The following TCF25 variants were observed in gnomAD, a reference collection of about 807,000 sequenced individuals.
The protein encoded by TCF25 is ribosome quality control complex subunit TCF25.
In TCF25, 41 loss-of-function variants were observed where a neutral mutation model predicts 83.1. The ratio of observed to expected loss-of-function variants is 0.49; its 90% CI spans 0.38 to 0.64. TCF25 has a LOEUF of 0.64. TCF25 is among the 30% of genes least tolerant of loss of function. TCF25 has a pLI of 0.00. For missense variants in TCF25, 979 were observed against 914.5 expected (o/e 1.07, Z -0.91); for synonymous variants, 458 against 365.0 (o/e 1.25, Z -2.90).
At chr16:89,897,213 C>T (rs1376071862) in intron 9 of TCF25, among the ~76,000 whole-genome samples, 2 of 152,220 alleles carry the variant, frequency 1.3e-5, no homozygotes, top group Admixed American at 6.5e-5. Context: ...GCCTGACCCT[C>T]GCTCCCCTGT....
chr16:89,886,136 T>C (rs896791218), intron 4 of TCF25, 170 bp downstream of exon 4: 1 of 650,676 alleles, frequency 1.5e-6, no homozygotes, highest in Non-Finnish European at 2.8e-6. Flanking sequence ...AAAAATCATA[T>C]GAGTTTATTG....
chr16:89,903,252 C>G (rs1279154931), intron 12 of TCF25, among the ~76,000 whole-genome samples: 1 of 152,290 alleles, frequency 6.6e-6, no homozygotes, highest in African/African-American at 2.4e-5. Flanking sequence ...ACTGCAGGCT[C>G]TGCCCTCGGG....
intron 11 of TCF25, 112 bp downstream of exon 11, chr16:89,898,984 C>T (rs915867588): frequency 2.9e-6 from 3 of 1,021,516 alleles, no homozygotes; most frequent in Non-Finnish European, 4.4e-6. Context: ...AAACGATAAT[C>T]GTCTGAGGGC....
chr16:89,873,618 T>A lies in TCF25; in HGVS notation c.-50T>A, dbSNP rs762512103. 7.4e-7 allele frequency: 1 copy of A among 1,348,004 alleles called. No individual in the cohort carries two copies. The highest frequency in any genetic ancestry group is 9.6e-7 in the Non-Finnish European group (1 of 1,038,474). 83.5% of individuals were successfully genotyped at this position (1,348,004 alleles called of 1,614,324 possible). The stretch of plus-strand genomic sequence containing the variant: ...TGCGCAGGCGCGCCGACAGCCGAGT[T>A]TTCTGCGCTTCCTTCTCCCTCTCTC... On this transcript the variant is annotated 5_prime_UTR_variant, in exon 1 of 18. Transcript: ENST00000263346.
chr16:89,894,613 C>T (rs903394418), intron 7 of TCF25, among the ~76,000 whole-genome samples: 1 of 152,182 alleles, frequency 6.6e-6, no homozygotes, highest in African/African-American at 2.4e-5. Flanking sequence ...TAATAACTAG[C>T]CTATTTTGAG....
intron 10 of TCF25, 23 bp downstream of exon 10, chr16:89,898,672 GCC>G (rs770918518): frequency 6.2e-7 from 1 of 1,612,310 alleles, no homozygotes; most frequent in African/African-American, 1.3e-5. Flanking sequence ...TCAGGGCCAA[GCC>G]CGTCCACGCT....
At chr16:89,877,696 G>C (rs368576017) in intron 1 of TCF25, among the ~76,000 whole-genome samples, 1 of 152,140 alleles carries the variant, frequency 6.6e-6, no homozygotes, top group Admixed American at 6.6e-5. Flanking sequence ...CGGTGAGACC[G>C]AAACTTGGTT....
intron 16 of TCF25, among the ~76,000 whole-genome samples, chr16:89,908,629 C>T (rs1415330572): frequency 1.7e-5 from 2 of 117,838 alleles, no homozygotes; most frequent in East Asian, 2.7e-4. Context: ...CCTCCCAGCT[C>T]CCACCTCCCA....
At chr16:89,906,048 C>T (rs1194405239) in intron 14 of TCF25, 146 bp from the exon 15 acceptor site, 16 of 718,302 alleles carry the variant, frequency 2.2e-5, no homozygotes, top group Non-Finnish European at 3.2e-5. Context: ...TGCCTCTGCT[C>T]GAGAGTAAAG....
intron 15 of TCF25, 154 bp downstream of exon 15, chr16:89,906,438 C>A: frequency 1.5e-6 from 1 of 659,582 alleles, no homozygotes; most frequent in Admixed American, 2.8e-5. Flanking sequence ...GCAGAGGGCT[C>A]CTCCTTTCCT....
chr16:89,902,879 C>T (rs1321300035), intron 12 of TCF25, among the ~76,000 whole-genome samples: 1 of 152,176 alleles, frequency 6.6e-6, no homozygotes, highest in Admixed American at 6.5e-5. Flanking sequence ...GCATCCCTTT[C>T]TCGGTTCTGT....
At chr16:89,880,607 A>G (rs2042537370) in intron 1 of TCF25, among the ~76,000 whole-genome samples, 1 of 151,958 alleles carries the variant, frequency 6.6e-6, no homozygotes, top group Non-Finnish European at 1.5e-5. Flanking sequence ...AAAAAAAGTA[A>G]ATTGGGTGTT....
At chr16:89,888,403 C>T (rs566679803) in intron 5 of TCF25, among the ~76,000 whole-genome samples, 1 of 151,980 alleles carries the variant, frequency 6.6e-6, no homozygotes, top group Non-Finnish European at 1.5e-5. Flanking sequence ...GCCTGACCAA[C>T]ATGGAGAAAC....
chr16:89,893,681 A>G (rs776076478), intron 6 of TCF25, 47 bp from the exon 7 acceptor site: 54 of 1,612,048 alleles, frequency 3.3e-5, no homozygotes, highest in Middle Eastern at 1.9e-4. Flanking sequence ...GGAGCTGCCC[A>G]CGTCCCTGCT....
intron 11 of TCF25, 75 bp downstream of exon 11, chr16:89,898,947 T>G (rs1412631456): frequency 7.0e-7 from 1 of 1,436,344 alleles, no homozygotes; most frequent in Middle Eastern, 1.8e-4. Context: ...GTTCAGTATC[T>G]GTGCGCTCAG....
chr16:89,885,731 C>T lies in TCF25; in HGVS notation c.430-117C>T, dbSNP rs985914775. On this transcript the variant is annotated intron_variant, in intron 3 of 17. Transcript: ENST00000263346. ...GTACATAGTGTTTGACTTATGCTGT[C>T]CTTTAGGAAGTAAATACAGTGTAAT... is the stretch of plus-strand genomic sequence containing the variant. 13 of 844,244 alleles carry T rather than the reference C, an allele frequency of 1.5e-5. No individual in the cohort carries two copies. The East Asian group carries it at 2.0e-4, about 13-fold the overall frequency. 52.3% of individuals were successfully genotyped at this position (844,244 alleles called of 1,614,324 possible). A position where few individuals can be genotyped will look rare whatever the true frequency, so the allele number is the denominator to read the frequency against.
intron 2 of TCF25, 85 bp from the exon 3 acceptor site, chr16:89,884,497 G>C (rs2042835707): frequency 2.8e-6 from 4 of 1,417,944 alleles, no homozygotes; most frequent in African/African-American, 1.4e-5. Flanking sequence ...GCTTAGGTGA[G>C]GGTGGAGTCA....
At chr16:89,904,340 CTG>C (rs1411628536) in intron 13 of TCF25, 135 bp downstream of exon 13, 1 of 984,936 alleles carries the variant, frequency 1.0e-6, no homozygotes, top group African/African-American at 1.7e-5. Context: ...GCCTCGGGGA[CTG>C]TCATTTGACA....
intron 1 of TCF25, among the ~76,000 whole-genome samples, chr16:89,877,666 A>G (rs1419287636): frequency 1.3e-5 from 2 of 152,206 alleles, no homozygotes; most frequent in Non-Finnish European, 1.5e-5. Flanking sequence ...AGAATAGAGT[A>G]TGGACACGAT....
Sources: gnomAD v4.1 joint callset for allele counts (sites outside exome capture counted in the v4.1 genomes callset) on GRCh38, gnomAD v4.1.1 for gene constraint, MANE v1.5 for transcripts, NCBI Gene and HGNC (gene_info 2026-07-23, HGNC 2026-07-21) for gene names.